AK5: variants seen among roughly 807,000 people sequenced by gnomAD.
AK5 encodes the protein adenylate kinase 5.
Under a neutral mutation model 69.5 loss-of-function variants are expected in AK5, and 27 were observed. That is an observed-to-expected ratio of 0.39 (90% CI 0.29 to 0.54). The LOEUF (loss-of-function observed/expected upper bound fraction) is 0.54, where lower values mean the gene tolerates loss of function less well. Ranked by LOEUF, AK5 falls within the 20% of genes least tolerant of loss-of-function variation. The pLI, the probability that AK5 is intolerant of heterozygous loss-of-function variation, is 0.71. For synonymous variants in AK5, 260 were observed against 244.4 expected (o/e 1.06, Z -0.60); for missense variants, 531 against 700.4 (o/e 0.76, Z 2.73).
intron 8 of AK5, among the ~76,000 whole-genome samples, chr1:77,459,539 A>G (rs1450193308): frequency 2.6e-5 from 4 of 152,142 alleles, no homozygotes; most frequent in African/African-American, 7.2e-5. Context: ...TGATTAGAAC[A>G]CAGTCTGCTG....
At chr1:77,497,392 A>T (rs1169247494) in intron 10 of AK5, among the ~76,000 whole-genome samples, 1 of 152,190 alleles carries the variant, frequency 6.6e-6, no homozygotes, top group Non-Finnish European at 1.5e-5. Flanking sequence ...CTCCGGACAC[A>T]TCCGAACATG....
At chr1:77,504,574 C>G (rs1656923847) in intron 10 of AK5, among the ~76,000 whole-genome samples, 1 of 152,060 alleles carries the variant, frequency 6.6e-6, no homozygotes, top group Admixed American at 6.5e-5. Flanking sequence ...TTTTAAAGTT[C>G]TTTTGTAATT....
At chr1:77,500,467 T>C (rs1656644885) in intron 10 of AK5, among the ~76,000 whole-genome samples, 1 of 152,032 alleles carries the variant, frequency 6.6e-6, no homozygotes, top group Non-Finnish European at 1.5e-5. Flanking sequence ...AGTTGATGTG[T>C]TGATAAAGTG....
At chr1:77,289,043 C>A (rs1257156386) in intron 2 of AK5, among the ~76,000 whole-genome samples, 1 of 152,132 alleles carries the variant, frequency 6.6e-6, no homozygotes, top group Non-Finnish European at 1.5e-5. Flanking sequence ...AGAGATTTTT[C>A]TCTTACCATA....
At chr1:77,302,094 C>T (rs1000572303) in intron 5 of AK5, among the ~76,000 whole-genome samples, 1 of 152,076 alleles carries the variant, frequency 6.6e-6, no homozygotes, top group Non-Finnish European at 1.5e-5. Context: ...GAGACAGGGG[C>T]TCCCTGTGTT....
At chr1:77,324,629 C>T (rs930568921) in intron 5 of AK5, among the ~76,000 whole-genome samples, 2 of 151,754 alleles carry the variant, frequency 1.3e-5, no homozygotes, top group Admixed American at 6.6e-5. Context: ...AGAGTTAAAC[C>T]ATTTGAATTC....
chr1:77,355,156 A>G (rs1214172124), intron 6 of AK5, among the ~76,000 whole-genome samples: 1 of 152,228 alleles, frequency 6.6e-6, no homozygotes, highest in Non-Finnish European at 1.5e-5. Context: ...GTAATTTCCA[A>G]CTAAATTCTG....
At chr1:77,326,972 G>A (rs905757451) in intron 5 of AK5, among the ~76,000 whole-genome samples, 12 of 152,028 alleles carry the variant, frequency 7.9e-5, no homozygotes, top group African/African-American at 1.9e-4. Context: ...GTCAATATAC[G>A]TCAGGATTGT....
At position 77,559,854 on chromosome 1, in the gene AK5, T is replaced by C. The variant is rs986826573; in HGVS notation, c.*1184T>C. 23 of 152,766 alleles carry C rather than the reference T, an allele frequency of 1.5e-4. No homozygotes were observed. The highest frequency in any genetic ancestry group is 1.3e-3 in the East Asian group (7 of 5,190). The allele number at this position is 152,766 out of a possible 1,614,324, so 9.5% of individuals were successfully genotyped here. On this transcript the variant is annotated 3_prime_UTR_variant, in exon 14 of 14. Transcript: ENST00000354567. ...TTCAGTTTGCATGAATTTTTTTTTT[T>C]TTCTTCAATGGCTGTGCAGATAAGG...
chr1:77,511,527 G>A (rs1657347187), intron 10 of AK5, among the ~76,000 whole-genome samples: 2 of 152,188 alleles, frequency 1.3e-5, no homozygotes, highest in Admixed American at 1.3e-4. Flanking sequence ...GAGGAATGAG[G>A]ATGTGTTGAA....
chr1:77,336,703 T>G (rs1438716643), intron 5 of AK5, among the ~76,000 whole-genome samples: 1 of 152,288 alleles, frequency 6.6e-6, no homozygotes, highest in South Asian at 2.1e-4. Flanking sequence ...ATTAACTAAC[T>G]TTTCTTTCTG....
At chr1:77,422,527 G>A (rs141642095) in intron 8 of AK5, among the ~76,000 whole-genome samples, 92 of 152,228 alleles carry the variant, frequency 6.0e-4, no homozygotes, top group African/African-American at 2.1e-3. Context: ...TCCCTCAAAT[G>A]GGTCATGTTT....
chr1:77,471,780 C>G (rs1194350529), intron 8 of AK5, among the ~76,000 whole-genome samples: 1 of 152,126 alleles, frequency 6.6e-6, no homozygotes, highest in Non-Finnish European at 1.5e-5. Context: ...AATGAAAAAG[C>G]AAGAATAGCA....
intron 6 of AK5, among the ~76,000 whole-genome samples, chr1:77,400,990 A>G (rs959345461): frequency 6.0e-5 from 9 of 150,130 alleles, no homozygotes; most frequent in South Asian, 2.1e-4. Context: ...GCAGGGCTGT[A>G]CCACAGGAAT....
chr1:77,471,334 C>T (rs978180809), intron 8 of AK5, among the ~76,000 whole-genome samples: 2 of 152,110 alleles, frequency 1.3e-5, no homozygotes, highest in Non-Finnish European at 2.9e-5. Context: ...GGGATAATAC[C>T]TCCTTCAGTT....
At chr1:77,537,265 A>G (rs1335123375) in intron 13 of AK5, among the ~76,000 whole-genome samples, 6 of 152,106 alleles carry the variant, frequency 3.9e-5, no homozygotes, top group Admixed American at 3.9e-4. Flanking sequence ...CCAAGTGGAG[A>G]AGGTCAGGAA....
At chr1:77,472,537 G>A (rs1362118842) in intron 8 of AK5, among the ~76,000 whole-genome samples, 4 of 151,942 alleles carry the variant, frequency 2.6e-5, no homozygotes, top group African/African-American at 9.7e-5. Context: ...CAAGGATCTG[G>A]CATTTTCTGC....
chr1:77,334,970 C>CT (rs1045485634), intron 5 of AK5, among the ~76,000 whole-genome samples: 6 of 152,060 alleles, frequency 3.9e-5, no homozygotes, highest in Admixed American at 6.6e-5. Flanking sequence ...GTCTTTTTTC[C>CT]TTTTTTTAGA....
chr1:77,332,604 A>ATTAT lies in AK5; in HGVS notation c.700-7746_700-7743dup, dbSNP rs71588894. 1.1e-3 allele frequency among the ~76,000 whole-genome samples: 165 copies of ATTAT among 146,198 alleles called. 1 individual carries two copies. The highest frequency in any genetic ancestry group is 3.7e-3 in the African/African-American group (147 of 40,226). On this transcript the variant is annotated intron_variant, in intron 5 of 13. Transcript: ENST00000354567. ...TAGTTATATTTTTATTATTTATTTG[A>ATTAT]TTATTTATTTATTTATTTATTTATT...
Sources: gnomAD v4.1 joint callset for allele counts (sites outside exome capture counted in the v4.1 genomes callset) on GRCh38, gnomAD v4.1.1 for gene constraint, MANE v1.5 for transcripts, NCBI Gene and HGNC (gene_info 2026-07-23, HGNC 2026-07-21) for gene names.